KLHL2: variants seen among roughly 807,000 people sequenced by gnomAD.
The protein encoded by KLHL2 is kelch-like protein 2.
In KLHL2, 15 loss-of-function variants were observed where a neutral mutation model predicts 75.8. The ratio of observed to expected loss-of-function variants is 0.20; its 90% CI spans 0.13 to 0.30. The LOEUF is 0.30. KLHL2 is among the 10% of genes least tolerant of loss of function. The pLI, the probability that KLHL2 is intolerant of heterozygous loss-of-function variation, is 1.00. For missense variants in KLHL2, 381 were observed against 741.0 expected, an observed-to-expected ratio of 0.51 and a Z score of 5.64; for synonymous variants, 214 against 251.9, an observed-to-expected ratio of 0.85 and a Z score of 1.42.
At chr4:165,264,704 G>GTGTGTATATATATATATATA (rs1323043527) in intron 5 of KLHL2, among the ~76,000 whole-genome samples, 5 of 82,868 alleles carry the variant, frequency 6.0e-5, no homozygotes, top group South Asian at 4.5e-4. Flanking sequence ...GTGTGTGTGT[G>GTGTGTATATATATATATATA]TATATATATA....
intron 3 of KLHL2, among the ~76,000 whole-genome samples, chr4:165,233,770 A>G (rs1739102759): frequency 6.6e-6 from 1 of 152,224 alleles, no homozygotes; most frequent in Non-Finnish European, 1.5e-5. Context: ...ATAATTTCTG[A>G]TATTGATGAT....
intron 10 of KLHL2, 130 bp from the exon 11 acceptor site, chr4:165,311,334 T>A (rs1467530940): frequency 1.0e-5 from 6 of 600,572 alleles, no homozygotes; most frequent in Admixed American, 3.2e-5. Context: ...ATGTAATTGC[T>A]GTGTTTATGT....
intron 8 of KLHL2, among the ~76,000 whole-genome samples, chr4:165,303,500 C>CCCCCCCCCA (rs1553963744): frequency 2.7e-5 from 4 of 146,108 alleles, no homozygotes; most frequent in Non-Finnish European, 4.7e-5. Flanking sequence ...CCTTGCCCCC[C>CCCCCCCCCA]CCGCCGTTTT....
intron 8 of KLHL2, among the ~76,000 whole-genome samples, chr4:165,304,139 C>T (rs1425259479): frequency 1.3e-5 from 2 of 152,102 alleles, no homozygotes; most frequent in African/African-American, 2.4e-5. Context: ...CTTCAGCCTC[C>T]CAAAGTGCTG....
At chr4:165,292,715 A>T (rs769156660) in intron 5 of KLHL2, among the ~76,000 whole-genome samples, 1 of 152,184 alleles carries the variant, frequency 6.6e-6, no homozygotes, top group Non-Finnish European at 1.5e-5. Flanking sequence ...AGGGGAAGCC[A>T]ACTGTTCCTT....
intron 11 of KLHL2, among the ~76,000 whole-genome samples, chr4:165,311,858 A>C (rs1746227403): frequency 7.4e-6 from 1 of 134,454 alleles, no homozygotes; most frequent in African/African-American, 2.6e-5. Context: ...TGACTTATAT[A>C]ACTGTGTGTG....
intron 5 of KLHL2, among the ~76,000 whole-genome samples, chr4:165,288,363 A>T (rs1285285371): frequency 6.6e-6 from 1 of 151,978 alleles, no homozygotes; most frequent in East Asian, 1.9e-4. Context: ...TCATCCTTTC[A>T]CCCTTGTTCC....
chr4:165,266,006 C>T (rs555200828), intron 5 of KLHL2, among the ~76,000 whole-genome samples: 61 of 152,206 alleles, frequency 4.0e-4, no homozygotes, highest in Middle Eastern at 6.8e-3. Flanking sequence ...TTTTAATGAT[C>T]GCCATTCTAA....
In KLHL2 at chr4:165,263,233, G is replaced by T; in HGVS notation, c.418G>T (p.Asp140Tyr). ...LPAAGLLQLQ[D>Y]VKKTCCEFLE... ...AGCAGCTGGTCTCTTACAGTTACAG[G>T]ATGTGAAGAAGACTTGTTGTGAATT... Residue 140 changes from aspartate to tyrosine, a missense_variant, in exon 5 of 15, where the codon GAT becomes TAT. Asp to Tyr is a radical substitution (Grantham distance 160). Around this residue, in one of 5 missense-constraint regions of KLHL2, gnomAD observed 51 missense variants for 101.3 expected, o/e 0.50. Coordinates refer to ENST00000226725, the MANE Select transcript of KLHL2 (RefSeq NM_007246.4). 6.2e-7 allele frequency: 1 copy of T among 1,614,068 alleles called. No homozygotes were observed. The highest frequency in any genetic ancestry group is 1.3e-5 in the African/African-American group (1 of 75,032).
intron 5 of KLHL2, among the ~76,000 whole-genome samples, chr4:165,271,926 T>C (rs1015344135): frequency 6.6e-5 from 10 of 152,326 alleles, no homozygotes; most frequent in Middle Eastern, 6.8e-3. Flanking sequence ...AGGAAGCTTT[T>C]GGTACATAGA....
chr4:165,279,724 A>C lies in KLHL2; in HGVS notation c.545-14635A>C. On this transcript the variant is annotated intron_variant, in intron 5 of 14. Transcript: ENST00000226725. ...GCGGGAGGGGGAGGGGAGGGTGACG[A>C]GTCCAAAGAGCGAGGCCGCGCGAGT... The C allele has an allele frequency of 2.6e-6, 3 of 1,147,304 alleles. No homozygotes were observed. In the South Asian group the frequency reaches 3.7e-5, roughly 14 times the overall value. The allele number at this position is 1,147,304 out of a possible 1,614,324, so 71.1% of individuals were successfully genotyped here.
At chr4:165,226,211 A>G (rs548391580) in intron 2 of KLHL2, among the ~76,000 whole-genome samples, 56 of 152,360 alleles carry the variant, frequency 3.7e-4, no homozygotes, top group Non-Finnish European at 7.2e-4. Context: ...TTTATTCTAG[A>G]GAGACCATGC....
At chr4:165,261,344 T>C (rs897599722) in intron 4 of KLHL2, among the ~76,000 whole-genome samples, 2 of 152,202 alleles carry the variant, frequency 1.3e-5, no homozygotes, top group African/African-American at 4.8e-5. Flanking sequence ...TTTTCTATTT[T>C]TATTTTTATT....
intron 7 of KLHL2, 137 bp downstream of exon 7, chr4:165,297,862 C>A: frequency 1.5e-6 from 1 of 656,466 alleles, no homozygotes; most frequent in Admixed American, 2.2e-5. Context: ...AGTAAAGGAC[C>A]CCGCAGGCTG....
intron 6 of KLHL2, 129 bp from the exon 7 acceptor site, chr4:165,297,480 C>T (rs1338587603): frequency 1.6e-6 from 1 of 618,500 alleles, no homozygotes; most frequent in African/African-American, 1.8e-5. Context: ...ATTTTGAAAA[C>T]ACTTGAGCTG....
intron 1 of KLHL2, among the ~76,000 whole-genome samples, chr4:165,216,967 T>C (rs1299804547): frequency 2.0e-5 from 3 of 152,190 alleles, no homozygotes; most frequent in Admixed American, 6.5e-5. Flanking sequence ...CATTGATTGT[T>C]GTATGGCAAC....
chr4:165,320,809 G>A (rs1284946468), intron 14 of KLHL2, among the ~76,000 whole-genome samples: 1 of 152,218 alleles, frequency 6.6e-6, no homozygotes, highest in Non-Finnish European at 1.5e-5. Context: ...TCATGAAAGA[G>A]ATCATGGATG....
intron 2 of KLHL2, among the ~76,000 whole-genome samples, chr4:165,222,341 C>A (rs1300511648): frequency 2.6e-5 from 4 of 152,010 alleles, no homozygotes; most frequent in Non-Finnish European, 5.9e-5. Flanking sequence ...CTTGCCTGGC[C>A]CTAGGATTAT....
chr4:165,285,167 T>C (rs924266288), intron 5 of KLHL2, among the ~76,000 whole-genome samples: 2 of 152,194 alleles, frequency 1.3e-5, no homozygotes, highest in Non-Finnish European at 2.9e-5. Flanking sequence ...TAACCATTTA[T>C]TGTGAAAATT....
Sources: allele counts gnomAD v4.1 joint callset (sites outside exome capture counted in the v4.1 genomes callset), GRCh38; gene constraint gnomAD v4.1.1; regional missense constraint gnomAD v4.1.1; transcripts MANE v1.5; gene names NCBI Gene and HGNC (gene_info 2026-07-23, HGNC 2026-07-21).